REPS2: variants seen among roughly 807,000 people sequenced by gnomAD.
REPS2 encodes RALBP1 associated Eps domain containing 2, also known as ralBP1-associated Eps domain-containing protein 2.
Under a neutral mutation model 53.6 loss-of-function variants are expected in REPS2, and 23 were observed. That is an observed-to-expected ratio of 0.43 (90% CI 0.31 to 0.61). The LOEUF (loss-of-function observed/expected upper bound fraction) is 0.61, where lower values mean the gene tolerates loss of function less well. Ranked by LOEUF, REPS2 falls within the 20% of genes least tolerant of loss-of-function variation. The pLI is 0.11. For missense variants in REPS2, 446 were observed against 534.9 expected, an observed-to-expected ratio of 0.83 and a Z score of 1.64; for synonymous variants, 238 against 218.6, an observed-to-expected ratio of 1.09 and a Z score of -0.78.
At chrX:17,091,648 G>A (rs957764670) in intron 13 of REPS2, among the ~76,000 whole-genome samples, 1 of 111,590 alleles carries the variant, frequency 9.0e-6, no homozygotes, top group Non-Finnish European at 1.9e-5. Context: ...CTTGTATTTC[G>A]GGGGGTGGTG....
At chrX:17,025,512 C>G (rs898644186) in intron 4 of REPS2, among the ~76,000 whole-genome samples, 5 of 111,510 alleles carry the variant, frequency 4.5e-5, no homozygotes, top group Admixed American at 9.5e-5. Flanking sequence ...AATTGTTATT[C>G]CTTTCTGTAA....
At chrX:16,990,381 G>A (rs1458883221) in intron 1 of REPS2, among the ~76,000 whole-genome samples, 3 of 111,023 alleles carry the variant, frequency 2.7e-5, no homozygotes, top group Non-Finnish European at 5.7e-5. Context: ...AGGCCGAGGC[G>A]GGTGAATTGC....
At chrX:16,968,719 G>A (rs1453048269) in intron 1 of REPS2, among the ~76,000 whole-genome samples, 14 of 94,697 alleles carry the variant, frequency 1.5e-4, no homozygotes, top group Non-Finnish European at 2.2e-4. Context: ...CCTCCCTCCC[G>A]GACGGGGCGG....
At chrX:17,101,594 A>G (rs1045035780) in intron 13 of REPS2, among the ~76,000 whole-genome samples, 4 of 112,174 alleles carry the variant, frequency 3.6e-5, no homozygotes, top group Admixed American at 9.5e-5. Flanking sequence ...ATAGACCCAC[A>G]CATCATCTTT....
At chrX:17,062,340 T>A in intron 8 of REPS2, 98 bp from the exon 9 acceptor site, 1 of 604,807 alleles carries the variant, frequency 1.7e-6, no homozygotes, top group South Asian at 2.7e-5. Context: ...CTAGCTGATT[T>A]TGTTGTTATA....
At chrX:16,978,107 T>C (rs1016104924) in intron 1 of REPS2, among the ~76,000 whole-genome samples, 2 of 112,046 alleles carry the variant, frequency 1.8e-5, no homozygotes, top group Non-Finnish European at 3.8e-5. Context: ...CTAAATTCAG[T>C]TAAATACTGG....
chrX:17,122,243 A>C (rs772524972), intron 14 of REPS2, among the ~76,000 whole-genome samples: 1 of 111,464 alleles, frequency 9.0e-6, no homozygotes, highest in African/African-American at 3.3e-5. Context: ...GGTTACCACT[A>C]TTCTGACTTC....
At chrX:17,013,752 G>A (rs1436742571) in intron 2 of REPS2, among the ~76,000 whole-genome samples, 1 of 110,563 alleles carries the variant, frequency 9.0e-6, no homozygotes, top group Non-Finnish European at 1.9e-5. Context: ...TCTGACTGAC[G>A]TCCAACCCAA....
the REPS2 span, among the ~76,000 whole-genome samples, chrX:17,173,903 A>G: frequency 9.0e-6 from 1 of 111,327 alleles, no homozygotes; most frequent in African/African-American, 3.3e-5. Flanking sequence ...ATTGCTCCCT[A>G]GATCAATTTC....
At chrX:16,968,607 C>A (rs1490261542) in intron 1 of REPS2, among the ~76,000 whole-genome samples, 1 of 102,622 alleles carries the variant, frequency 9.7e-6, no homozygotes, top group Non-Finnish European at 2.0e-5. Context: ...GGCAGAGGCG[C>A]CCCTCACCTC....
chrX:16,990,659 C>T (rs765994255), intron 1 of REPS2, among the ~76,000 whole-genome samples: 311 of 107,447 alleles, frequency 2.9e-3, no homozygotes, highest in African/African-American at 9.4e-3. Context: ...TGAAAATGTT[C>T]TCTATTGACT....
intron 6 of REPS2, 34 bp from the exon 7 acceptor site, chrX:17,052,348 A>G: frequency 8.7e-7 from 1 of 1,151,649 alleles, no homozygotes. Flanking sequence ...TAGCTGAGTA[A>G]TTAATGGTTT....
chrX:17,181,076 G>A, the REPS2 span, among the ~76,000 whole-genome samples: 1 of 112,271 alleles, frequency 8.9e-6, no homozygotes, highest in African/African-American at 3.2e-5. Context: ...ATTCCAGGCT[G>A]GACATAGTAC....
downstream of REPS2, among the ~76,000 whole-genome samples, chrX:17,158,228 G>A (rs1207290844): frequency 8.9e-6 from 1 of 112,065 alleles, no homozygotes; most frequent in Admixed American, 9.5e-5. Context: ...ATAGCTACAA[G>A]TAATTAAGAC....
At position 17,062,514 on chromosome X, in the gene REPS2, T is replaced by C. The variant is rs1176501757; in HGVS notation, c.1191T>C (p.Arg397=). ...CACTGCCGGCAAATCAACAACCTCG[T>C]GACTTGAATCGGATGGAGGTAAAAG... ...SESLPANQQP[R]DLNRMEKTSV... is the part of the protein sequence containing the mutation. Residue 397 remains arginine (R), a synonymous_variant, in exon 9 of 18, where the codon CGT becomes CGC. Transcript: ENST00000357277. The C allele has an allele frequency of 8.3e-7, 1 of 1,198,966 alleles. No homozygotes were observed. The highest frequency in any genetic ancestry group is 1.8e-5 in the African/African-American group (1 of 57,050).
At chrX:17,106,538 C>T (rs1041162715) in intron 14 of REPS2, among the ~76,000 whole-genome samples, 9 of 109,016 alleles carry the variant, frequency 8.3e-5, no homozygotes, top group Middle Eastern at 4.7e-3. Flanking sequence ...CTCAGCCTCC[C>T]GAGTAGCTGG....
chrX:17,074,189 C>A (rs748795997), intron 12 of REPS2, 30 bp downstream of exon 12: 1 of 1,167,874 alleles, frequency 8.6e-7, no homozygotes, highest in South Asian at 1.9e-5. Flanking sequence ...TGCTTTAATG[C>A]CCTTTGTGCC....
rs2148186767 is a variant in REPS2, at chrX:17,150,173, G to C, written c.*2692G>C. On this transcript the variant is annotated 3_prime_UTR_variant, in exon 18 of 18. Transcript: ENST00000357277. ...AGGATGTGCACTTTAATTTAGGATT[G>C]TAACGCCTAATAATATTTCTGTGAG... is the stretch of plus-strand genomic sequence containing the variant. The C allele has an allele frequency of 8.9e-6, 1 of 112,352 alleles. No individual in the cohort carries two copies. Among genetic ancestry groups the C allele is most frequent in the East Asian group, 2.8e-4 (1 of 3,539 alleles). The allele number at this position is 112,352 out of a possible 1,213,427, so 9.3% of individuals were successfully genotyped here.
intron 13 of REPS2, among the ~76,000 whole-genome samples, chrX:17,098,610 T>TG (rs1555942894): frequency 1.9e-5 from 2 of 103,255 alleles, no homozygotes; most frequent in African/African-American, 3.5e-5. Flanking sequence ...AAAAATGGTT[T>TG]TGTGTGTGTG....
Sources: allele counts gnomAD v4.1 joint callset (sites outside exome capture counted in the v4.1 genomes callset), GRCh38; gene constraint gnomAD v4.1.1; transcripts MANE v1.5; gene names NCBI Gene and HGNC (gene_info 2026-07-23, HGNC 2026-07-21).